The following ZEB1 variants were observed in gnomAD, a reference collection of about 807,000 sequenced individuals.
ZEB1 encodes zinc finger E-box binding homeobox 1, also known as zinc finger E-box-binding homeobox 1.
Under a neutral mutation model 84.9 loss-of-function variants are expected in ZEB1, and 21 were observed. That is an observed-to-expected ratio of 0.25 (90% CI 0.18 to 0.36). The LOEUF is 0.36. ZEB1 is among the 10% of genes least tolerant of loss of function. The pLI, the probability that ZEB1 is intolerant of heterozygous loss-of-function variation, is 1.00. For missense variants in ZEB1, 1,104 were observed against 1,330.2 expected, an observed-to-expected ratio of 0.83 and a Z score of 2.65; for synonymous variants, 420 against 471.1, an observed-to-expected ratio of 0.89 and a Z score of 1.41.
chr10:31,416,840 T>C (rs777499305), intron 1 of ZEB1, among the ~76,000 whole-genome samples: 5 of 152,048 alleles, frequency 3.3e-5, no homozygotes, highest in Non-Finnish European at 5.9e-5. Flanking sequence ...CCCCCAAAGT[T>C]TTTATTGGTA....
At chr10:31,448,581 A>T in intron 1 of ZEB1, among the ~76,000 whole-genome samples, 1 of 150,722 alleles carries the variant, frequency 6.6e-6, no homozygotes, top group East Asian at 1.9e-4. Flanking sequence ...TGATGTACAG[A>T]TGGGTTTTCG....
intron 1 of ZEB1, among the ~76,000 whole-genome samples, chr10:31,447,307 T>C (rs1284710273): frequency 7.0e-6 from 1 of 143,478 alleles, no homozygotes; most frequent in Non-Finnish European, 1.5e-5. Context: ...CCTATGTGTG[T>C]CTCTGCACGT....
chr10:31,450,221 T>A (rs559293624), intron 1 of ZEB1, among the ~76,000 whole-genome samples: 2 of 152,260 alleles, frequency 1.3e-5, no homozygotes, highest in Admixed American at 6.5e-5. Flanking sequence ...TTTTCATTTA[T>A]TCAAATATTT....
rs1164887288 is a variant in ZEB1 at position 31,480,241 on chromosome 10, CAATT to C, written c.260-15532_260-15529del. 3.3e-5 allele frequency among the ~76,000 whole-genome samples: 5 copies of C among 152,080 alleles called. No individual in the cohort carries two copies. The East Asian group carries it at 9.7e-4, about 29-fold the overall frequency. On this transcript the variant is annotated intron_variant, in intron 2 of 8. Transcript: ENST00000424869. ...TTGACATGTTTAAAAACTGCCAAGA[CAATT>C]AAACTTTTTATGTTAAAAATGTTTA...
At chr10:31,467,911 G>T (rs1458557692) in intron 2 of ZEB1, among the ~76,000 whole-genome samples, 1 of 152,152 alleles carries the variant, frequency 6.6e-6, no homozygotes, top group Non-Finnish European at 1.5e-5. Context: ...CTGGGCACAG[G>T]TGGTTTGGGA....
At chr10:31,355,136 T>TC (rs1279381228) in intron 1 of ZEB1, 7 of 152,168 alleles carry the variant, frequency 4.6e-5, no homozygotes, top group Non-Finnish European at 1.0e-4. Context: ...TTCCTTTTTT[T>TC]CTCTCAGCAG....
intron 1 of ZEB1, among the ~76,000 whole-genome samples, chr10:31,453,477 C>T (rs750681328): frequency 6.6e-6 from 1 of 152,098 alleles, no homozygotes; most frequent in Non-Finnish European, 1.5e-5. Context: ...GTTTTGGAAC[C>T]ATACTCATAT....
chr10:31,408,181 T>A (rs161240), intron 1 of ZEB1, among the ~76,000 whole-genome samples: 7,279 of 150,746 alleles, frequency 0.048, 184 homozygotes, highest in South Asian at 0.065. Flanking sequence ...GGAATCCAAC[T>A]TACAAGGGAT....
intron 2 of ZEB1, among the ~76,000 whole-genome samples, chr10:31,478,765 C>T (rs781377438): frequency 1.3e-5 from 2 of 151,796 alleles, no homozygotes; most frequent in Non-Finnish European, 2.9e-5. Context: ...AACAGAAAAG[C>T]GAATACTGCA....
intron 1 of ZEB1, among the ~76,000 whole-genome samples, chr10:31,419,118 C>A (rs1378885538): frequency 6.6e-6 from 1 of 152,016 alleles, no homozygotes; most frequent in Admixed American, 6.6e-5. Context: ...GAAAGTAATC[C>A]TGTAACTATA....
At chr10:31,410,577 T>G (rs2054049970) in intron 1 of ZEB1, among the ~76,000 whole-genome samples, 1 of 152,214 alleles carries the variant, frequency 6.6e-6, no homozygotes, top group Non-Finnish European at 1.5e-5. Flanking sequence ...TCAGAAGGAA[T>G]GGTAGCAGCT....
chr10:31,497,781 C>T (rs2067457480), intron 3 of ZEB1, among the ~76,000 whole-genome samples: 1 of 152,016 alleles, frequency 6.6e-6, no homozygotes, highest in Non-Finnish European at 1.5e-5. Context: ...ACTCAGTAAT[C>T]AGAGTAAAAA....
intron 2 of ZEB1, among the ~76,000 whole-genome samples, chr10:31,490,385 ACT>A (rs762996284): frequency 6.0e-4 from 91 of 151,088 alleles, no homozygotes; most frequent in Non-Finnish European, 4.6e-4. Context: ...AAATATTTTT[ACT>A]CTGTCTTATT....
chr10:31,454,447 G>A (rs546885441), intron 1 of ZEB1, among the ~76,000 whole-genome samples: 18 of 152,126 alleles, frequency 1.2e-4, no homozygotes, highest in East Asian at 3.9e-4. Context: ...AGAAATAAAG[G>A]GTATTCAAAT....
rs559678407 is a variant in ZEB1, at chr10:31,380,386, G to A, written c.58+61094G>A. Reference sequence around the variant, plus strand: ...GGTGTTGAGGATGGAAGGCATGCAGGAATACTTTGCACATGGAACTGTTTC... The same window carrying A: ...GGTGTTGAGGATGGAAGGCATGCAGAAATACTTTGCACATGGAACTGTTTC... On this transcript the variant is annotated intron_variant, in intron 1 of 8. Transcript: ENST00000424869. Among the ~76,000 whole-genome samples the A allele has an allele frequency of 9.3e-4, 141 of 152,290 alleles. 1 individual carries two copies. The highest frequency in any genetic ancestry group is 1.7e-3 in the Non-Finnish European group (119 of 68,010).
chr10:31,319,439 C>G (rs953861286), intron 1 of ZEB1, 147 bp downstream of exon 1: 9 of 744,820 alleles, frequency 1.2e-5, no homozygotes, highest in Non-Finnish European at 1.1e-5. Context: ...GTAGTGCTCT[C>G]TGCCCCCCTC....
rs141086946 is a variant in ZEB1, at chr10:31,527,176, A to T, written c.3290A>T (p.Asp1097Val). 52 of 1,611,458 alleles carry T rather than the reference A, an allele frequency of 3.2e-5. No individual in the cohort carries two copies. The highest frequency in any genetic ancestry group is 4.2e-5 in the Non-Finnish European group (50 of 1,178,728). ...EAKTEGLMKDDRAESQASSLG... is the reference protein window; with the variant it reads ...EAKTEGLMKDVRAESQASSLG... Reference sequence around the variant, plus strand: ...AAAACTGAAGGTCTGATGAAGGATGACAGGGCTGAAAGTCAAGCAAGCAGC... The same window carrying T: ...AAAACTGAAGGTCTGATGAAGGATGTCAGGGCTGAAAGTCAAGCAAGCAGC... Residue 1097 changes from aspartate (D) to valine (V), a missense_variant, in exon 9 of 9, where the codon GAC (aspartate) becomes GTC (valine). Coordinates refer to ENST00000424869, the MANE Select transcript of ZEB1 (RefSeq NM_001174096.2).
intron 1 of ZEB1, among the ~76,000 whole-genome samples, chr10:31,428,099 CT>C (rs1365043720): frequency 4.6e-5 from 7 of 151,778 alleles, no homozygotes; most frequent in Admixed American, 4.6e-4. Flanking sequence ...TATTTCTTGT[CT>C]TTTGCTAGCT....
chr10:31,443,266 T>C (rs1213620263), intron 1 of ZEB1, among the ~76,000 whole-genome samples: 1 of 152,216 alleles, frequency 6.6e-6, no homozygotes, highest in Non-Finnish European at 1.5e-5. Context: ...ATGTCAGCCT[T>C]TAGTCATATG....
Sources: gnomAD v4.1 joint callset for allele counts (sites outside exome capture counted in the v4.1 genomes callset) on GRCh38, gnomAD v4.1.1 for gene constraint, MANE v1.5 for transcripts, NCBI Gene and HGNC (gene_info 2026-07-23, HGNC 2026-07-21) for gene names.